EDIL3: variants seen among roughly 807,000 people sequenced by gnomAD.
EDIL3 encodes EGF-like repeat and discoidin I-like domain-containing protein 3.
Under a neutral mutation model 67.4 loss-of-function variants are expected in EDIL3, and 37 were observed. The ratio of observed to expected loss-of-function variants is 0.55; its 90% CI spans 0.42 to 0.72. The LOEUF (loss-of-function observed/expected upper bound fraction) is 0.72, where lower values mean the gene tolerates loss of function less well. Ranked by LOEUF, EDIL3 falls within the 30% of genes least tolerant of loss-of-function variation. The probability of loss-of-function intolerance (pLI) is 0.00; values close to 1 mark genes in which losing one functional copy is unlikely to be tolerated. For synonymous variants in EDIL3, 195 were observed against 196.3 expected, an observed-to-expected ratio of 0.99 and a Z score of 0.05; for missense variants, 527 against 586.3, an observed-to-expected ratio of 0.90 and a Z score of 1.04.
chr5:83,970,410 T>C (rs1184705076), intron 9 of EDIL3, among the ~76,000 whole-genome samples: 2 of 148,632 alleles, frequency 1.3e-5, no homozygotes. Context: ...TAATTTGCTA[T>C]GTCACTTAAT....
chr5:84,264,296 G>A (rs1745301508), intron 1 of EDIL3, among the ~76,000 whole-genome samples: 1 of 152,176 alleles, frequency 6.6e-6, no homozygotes, highest in Admixed American at 6.5e-5. Flanking sequence ...AGTTTTCTGT[G>A]TAGTAGGCTG....
At chr5:83,957,714 T>C (rs1311379880) in intron 10 of EDIL3, among the ~76,000 whole-genome samples, 1 of 151,764 alleles carries the variant, frequency 6.6e-6, no homozygotes, top group Non-Finnish European at 1.5e-5. Flanking sequence ...TGACATAATC[T>C]ATGTGCTACT....
At chr5:84,320,115 C>T (rs927404137) in intron 1 of EDIL3, among the ~76,000 whole-genome samples, 21 of 152,120 alleles carry the variant, frequency 1.4e-4, no homozygotes, top group African/African-American at 5.1e-4. Context: ...CAAACCTGCA[C>T]ATTGTGCAAA....
chr5:83,990,722 A>T (rs1035729429), intron 9 of EDIL3, among the ~76,000 whole-genome samples: 2 of 151,756 alleles, frequency 1.3e-5, no homozygotes, highest in African/African-American at 2.4e-5. Flanking sequence ...TCTACTGAAA[A>T]TACGAAAATT....
intron 1 of EDIL3, among the ~76,000 whole-genome samples, chr5:84,355,404 T>C (rs963450713): frequency 6.6e-6 from 1 of 152,088 alleles, no homozygotes; most frequent in Non-Finnish European, 1.5e-5. Context: ...TAAAGGTTCT[T>C]AGCTTCCTTG....
intron 6 of EDIL3, among the ~76,000 whole-genome samples, chr5:84,074,052 C>T (rs965585548): frequency 2.6e-5 from 4 of 151,944 alleles, no homozygotes; most frequent in African/African-American, 9.7e-5. Flanking sequence ...CGCATATCTA[C>T]AACTATCTGA....
intron 1 of EDIL3, among the ~76,000 whole-genome samples, chr5:84,346,232 C>T (rs1161299641): frequency 1.3e-5 from 2 of 150,966 alleles, no homozygotes; most frequent in African/African-American, 4.9e-5. Flanking sequence ...CAACCTCCGC[C>T]TCCCGGGTTC....
intron 9 of EDIL3, among the ~76,000 whole-genome samples, chr5:84,042,410 T>A (rs1038455828): frequency 6.6e-6 from 1 of 151,830 alleles, no homozygotes; most frequent in African/African-American, 2.4e-5. Flanking sequence ...GCCCCCCGAG[T>A]AGTTGAGATT....
At chr5:84,116,715 CA>C in intron 5 of EDIL3, among the ~76,000 whole-genome samples, 1 of 152,116 alleles carries the variant, frequency 6.6e-6, no homozygotes, top group Non-Finnish European at 1.5e-5. Flanking sequence ...AGGAATAATT[CA>C]ACATAGAACT....
At chr5:84,226,238 C>G (rs1389803424) in intron 3 of EDIL3, among the ~76,000 whole-genome samples, 1 of 151,380 alleles carries the variant, frequency 6.6e-6, no homozygotes, top group Non-Finnish European at 1.5e-5. Flanking sequence ...AAAAGAGGAC[C>G]ACAAAAATAA....
intron 3 of EDIL3, among the ~76,000 whole-genome samples, chr5:84,184,186 C>G (rs1030355502): frequency 1.3e-5 from 2 of 152,052 alleles, no homozygotes; most frequent in African/African-American, 2.4e-5. Context: ...GTCTCTCTGA[C>G]AAAAATGGGG....
intron 4 of EDIL3, 107 bp from the exon 5 acceptor site, chr5:84,137,461 T>TTG (rs1057160948): frequency 1.2e-5 from 11 of 954,354 alleles, no homozygotes; most frequent in African/African-American, 3.3e-5. Flanking sequence ...TGCTATTCCT[T>TTG]TGTGTGTGTG....
At chr5:84,344,461 T>C (rs1047731317) in intron 1 of EDIL3, among the ~76,000 whole-genome samples, 2 of 151,982 alleles carry the variant, frequency 1.3e-5, no homozygotes, top group Admixed American at 6.6e-5. Context: ...TATAATAATT[T>C]AGCTATTGGA....
chr5:84,291,745 G>GATATATCT (rs1182368429), intron 1 of EDIL3, among the ~76,000 whole-genome samples: 9 of 119,796 alleles, frequency 7.5e-5, no homozygotes, highest in East Asian at 2.2e-4. Context: ...TATCTATATA[G>GATATATCT]ATATATCTAT....
chr5:84,163,936 G>A (rs544205886), intron 4 of EDIL3, among the ~76,000 whole-genome samples: 3 of 151,812 alleles, frequency 2.0e-5, no homozygotes, highest in East Asian at 1.9e-4. Context: ...TTTAAATATG[G>A]TGAATCATTT....
chr5:84,193,543 G>A (rs1302346494), intron 3 of EDIL3, among the ~76,000 whole-genome samples: 1 of 151,876 alleles, frequency 6.6e-6, no homozygotes, highest in Admixed American at 6.6e-5. Context: ...GGAAATAGAT[G>A]GCGATTAGTG....
chr5:84,100,406 G>A (rs999564333), intron 6 of EDIL3, among the ~76,000 whole-genome samples: 2 of 152,098 alleles, frequency 1.3e-5, no homozygotes, highest in Admixed American at 6.6e-5. Flanking sequence ...AAAGAAGGAT[G>A]AGTTCACATC....
chr5:83,990,101 AC>A (rs1745123962), intron 9 of EDIL3, among the ~76,000 whole-genome samples: 1 of 152,164 alleles, frequency 6.6e-6, no homozygotes, highest in African/African-American at 2.4e-5. Flanking sequence ...TGAGCAGAGA[AC>A]CCAATAAAGC....
Position 84,233,844 on chromosome 5 carries a change from C to A in EDIL3, c.197-3960G>T, listed in dbSNP as rs1580390115. ...TGTGGCCCCAGAAGTCATTGGCATG[C>A]ACCTTGCAACCATGATGGGAGACAG... On this transcript the variant is annotated intron_variant, in intron 2 of 10. Transcript: ENST00000296591. Among the ~76,000 whole-genome samples the A allele has an allele frequency of 2.0e-5, 3 of 152,156 alleles. No individual in the cohort carries two copies. The South Asian group carries it at 6.2e-4, about 32-fold the overall frequency.
Sources: allele counts gnomAD v4.1 joint callset (sites outside exome capture counted in the v4.1 genomes callset), GRCh38; gene constraint gnomAD v4.1.1; transcripts MANE v1.5; gene names NCBI Gene and HGNC (gene_info 2026-07-23, HGNC 2026-07-21).